The following MED17 variants were observed in gnomAD, a reference collection of about 807,000 sequenced individuals.
MED17 encodes the protein mediator complex subunit 17.
In MED17, 49 loss-of-function variants were observed where a neutral mutation model predicts 80.8. That is an observed-to-expected ratio of 0.61 (90% CI 0.48 to 0.77). The LOEUF (loss-of-function observed/expected upper bound fraction) is 0.77, where lower values mean the gene tolerates loss of function less well. MED17 is among the 30% of genes least tolerant of loss of function. The probability of loss-of-function intolerance (pLI) is 0.00; values close to 1 mark genes in which losing one functional copy is unlikely to be tolerated. For synonymous variants in MED17, 281 were observed against 280.4 expected (o/e 1.00, Z -0.02); for missense variants, 718 against 787.0 (o/e 0.91, Z 1.05).
rs1944103274 is a variant in MED17, at chr11:93,813,319, G to A, written c.*1255G>A. On this transcript the variant is annotated 3_prime_UTR_variant, in exon 12 of 12. Coordinates refer to ENST00000251871, the MANE Select transcript of MED17 (RefSeq NM_004268.5). ...CGTGTTTTCATTAAAGAAAAATGGAGCTTGTGGGCCACGATAGAACAACTT... is the reference window on the plus strand; with the variant it reads ...CGTGTTTTCATTAAAGAAAAATGGAACTTGTGGGCCACGATAGAACAACTT... 6.6e-6 allele frequency: 1 copy of A among 152,172 alleles called. No individual in the cohort carries two copies. Among genetic ancestry groups the A allele is most frequent in the African/African-American group, 2.4e-5 (1 of 41,430 alleles). 9.4% of individuals were successfully genotyped at this position (152,172 alleles called of 1,614,324 possible). A position where few individuals can be genotyped will look rare whatever the true frequency, so the allele number is the denominator to read the frequency against.
intron 1 of MED17, 42 bp from the exon 2 acceptor site, chr11:93,787,959 C>A: frequency 6.4e-7 from 1 of 1,550,876 alleles, no homozygotes; most frequent in Non-Finnish European, 8.9e-7. Flanking sequence ...TTCAATGTAA[C>A]GAATACTTCT....
intron 9 of MED17, among the ~76,000 whole-genome samples, chr11:93,804,022 TATATACACACACAC>T (rs1943997061): frequency 8.1e-5 from 1 of 12,414 alleles, no homozygotes; most frequent in African/African-American, 1.2e-4. Flanking sequence ...TATATATATA[TATATACACACACAC>T]ATATACACAC....
chr11:93,794,731 A>G, intron 5 of MED17, 177 bp from the exon 6 acceptor site: 2 of 641,874 alleles, frequency 3.1e-6, no homozygotes, highest in East Asian at 2.7e-5. Flanking sequence ...GATGATTTGT[A>G]ACACAGTTGG....
chr11:93,784,345 C>G lies in MED17; in HGVS notation c.-169C>G. 1.1e-6 allele frequency: 1 copy of G among 880,736 alleles called. No homozygotes were observed. The highest frequency in any genetic ancestry group is 1.7e-6 in the Non-Finnish European group (1 of 600,078). 54.6% of individuals were successfully genotyped at this position (880,736 alleles called of 1,614,324 possible). A position where few individuals can be genotyped will look rare whatever the true frequency, so the allele number is the denominator to read the frequency against. On this transcript the variant is annotated 5_prime_UTR_variant, in exon 1 of 12. Coordinates refer to ENST00000251871, the MANE Select transcript of MED17 (RefSeq NM_004268.5). ...GGTGCGTTCTGGGAAAGTTGCTGGGCCAGCTCCTTTGTTTCCAGTCTGAGC... is the reference window on the plus strand; with the variant it reads ...GGTGCGTTCTGGGAAAGTTGCTGGGGCAGCTCCTTTGTTTCCAGTCTGAGC...
intron 8 of MED17, chr11:93,801,532 C>T (rs1943961829): frequency 2.9e-6 from 1 of 348,726 alleles, no homozygotes; most frequent in South Asian, 2.8e-5. Context: ...CACTCATTTC[C>T]TGATAAGCTT....
intron 9 of MED17, among the ~76,000 whole-genome samples, chr11:93,805,848 C>G (rs1233671757): frequency 4.6e-5 from 7 of 152,106 alleles, no homozygotes; most frequent in Non-Finnish European, 1.0e-4. Flanking sequence ...CCTGAAGTCC[C>G]AGCTTCTCAG....
Position 93,796,475 on chromosome 11 carries a change from G to C in MED17, c.1078G>C (p.Glu360Gln). ...TAAGAAATCCCAAAAATTTGCTACT[G>C]AGAAGCAATGTCCGGAGGACCACCT... Reference protein sequence around the residue: ...NDKKSQKFATEKQCPEDHLYV... With the variant: ...NDKKSQKFATQKQCPEDHLYV... Residue 360 changes from glutamate (E) to glutamine (Q), a missense_variant, in exon 7 of 12, where the codon GAG becomes CAG. Coordinates refer to ENST00000251871, the MANE Select transcript of MED17 (RefSeq NM_004268.5). 1 of 1,613,672 alleles carries C rather than the reference G, an allele frequency of 6.2e-7. No individual in the cohort carries two copies. Among genetic ancestry groups the C allele is most frequent in the Middle Eastern group, 1.7e-4 (1 of 6,060 alleles).
intron 10 of MED17, chr11:93,809,034 T>C (rs1349594659): frequency 6.4e-6 from 1 of 155,474 alleles, no homozygotes; most frequent in Non-Finnish European, 1.4e-5. Context: ...TGGGTGTAGG[T>C]GAGCCACCAG....
chr11:93,793,635 G>A, intron 3 of MED17, 93 bp from the exon 4 acceptor site: 1 of 944,498 alleles, frequency 1.1e-6, no homozygotes, highest in Non-Finnish European at 1.7e-6. Context: ...TTGTGATTCA[G>A]TGATGTGGAT....
chr11:93,805,076 T>C (rs887929631), intron 9 of MED17, among the ~76,000 whole-genome samples: 1 of 152,254 alleles, frequency 6.6e-6, no homozygotes, highest in Non-Finnish European at 1.5e-5. Flanking sequence ...ATGAATAATT[T>C]ATTGCTCAGT....
intron 2 of MED17, chr11:93,789,455 CT>C (rs1223141619): frequency 1.3e-5 from 2 of 152,058 alleles, no homozygotes; most frequent in African/African-American, 4.8e-5. Context: ...TCCAGGAACT[CT>C]TTTATTTACG....
chr11:93,787,602 G>A (rs1252482999), intron 1 of MED17, among the ~76,000 whole-genome samples: 1 of 152,088 alleles, frequency 6.6e-6, no homozygotes, highest in Non-Finnish European at 1.5e-5. Context: ...ATGGTTAAAA[G>A]GAAGATATGC....
chr11:93,805,810 C>T (rs2135720397), intron 9 of MED17, among the ~76,000 whole-genome samples: 1 of 151,822 alleles, frequency 6.6e-6, no homozygotes, highest in Non-Finnish European at 1.5e-5. Flanking sequence ...ATCAAAATTA[C>T]AACTTAAGCC....
At chr11:93,789,812 A>AT (rs1555032240) in intron 2 of MED17, 1 of 150,032 alleles carries the variant, frequency 6.7e-6, no homozygotes, top group African/African-American at 2.5e-5. Flanking sequence ...AAAAAAAAAA[A>AT]GCCAGGCTTG....
intron 2 of MED17, 88 bp downstream of exon 2, chr11:93,788,255 C>T (rs1222185167): frequency 1.7e-6 from 2 of 1,153,002 alleles, no homozygotes; most frequent in Non-Finnish European, 2.5e-6. Flanking sequence ...TTCCATTTTC[C>T]TTTCTTGCAA....
intron 8 of MED17, 122 bp from the exon 9 acceptor site, chr11:93,801,713 C>A (rs975075749): frequency 5.0e-5 from 45 of 892,016 alleles, no homozygotes; most frequent in Non-Finnish European, 3.6e-5. Context: ...AGTCTGCCTA[C>A]ACATAGTGGT....
At chr11:93,804,196 A>T (rs1944000608) in intron 9 of MED17, among the ~76,000 whole-genome samples, 1 of 151,858 alleles carries the variant, frequency 6.6e-6, no homozygotes, top group Non-Finnish European at 1.5e-5. Flanking sequence ...CAAGGGCAAG[A>T]AGCATCCAGC....
At chr11:93,800,320 A>T (rs1275610294) in intron 8 of MED17, among the ~76,000 whole-genome samples, 1 of 151,830 alleles carries the variant, frequency 6.6e-6, no homozygotes, top group African/African-American at 2.4e-5. Flanking sequence ...ATTTATTTTT[A>T]TTATTATTTT....
At chr11:93,791,851 T>A (rs537923111) in intron 3 of MED17, among the ~76,000 whole-genome samples, 1 of 152,298 alleles carries the variant, frequency 6.6e-6, no homozygotes, top group East Asian at 1.9e-4. Flanking sequence ...GCTCAGCTGT[T>A]TTTATGTCCT....
Sources: allele counts gnomAD v4.1 joint callset (sites outside exome capture counted in the v4.1 genomes callset), GRCh38; gene constraint gnomAD v4.1.1; transcripts MANE v1.5; gene names NCBI Gene and HGNC (gene_info 2026-07-23, HGNC 2026-07-21).